ACVR1: variants seen among roughly 807,000 people sequenced by gnomAD.
ACVR1 encodes the protein activin A receptor type 1.
ACVR1 carries 38 observed loss-of-function variants against 57.1 expected under a neutral mutation model. That is an observed-to-expected ratio of 0.67 (90% CI 0.51 to 0.87). The LOEUF (loss-of-function observed/expected upper bound fraction) is 0.87. ACVR1 is among the 40% of genes least tolerant of loss of function. The pLI, the probability that ACVR1 is intolerant of heterozygous loss-of-function variation, is 0.00. For missense variants in ACVR1, 463 were observed against 638.2 expected (o/e 0.73, Z 2.96); for synonymous variants, 212 against 228.1 (o/e 0.93, Z 0.63).
intron 8 of ACVR1, among the ~76,000 whole-genome samples, chr2:157,762,690 A>C (rs1685707586): frequency 6.6e-6 from 1 of 152,256 alleles, no homozygotes; most frequent in East Asian, 1.9e-4. Flanking sequence ...ACTATGGCAT[A>C]AGTGACAGTG....
chr2:157,775,641 A>G (rs1686252647), intron 5 of ACVR1, among the ~76,000 whole-genome samples: 1 of 152,208 alleles, frequency 6.6e-6, no homozygotes, highest in African/African-American at 2.4e-5. Flanking sequence ...CAAGAAAATG[A>G]GTGTAGATGA....
chr2:157,844,101 T>C (rs1353544990), intron 1 of ACVR1, among the ~76,000 whole-genome samples: 2 of 152,156 alleles, frequency 1.3e-5, no homozygotes, highest in East Asian at 3.9e-4. Flanking sequence ...GCAGAAGACA[T>C]TGTGAAACCA....
chr2:157,746,327 T>C (rs886630673), intron 9 of ACVR1, among the ~76,000 whole-genome samples: 22 of 152,234 alleles, frequency 1.4e-4, no homozygotes, highest in African/African-American at 4.8e-4. Context: ...GTAGATATTA[T>C]TATTTTTTAA....
In ACVR1 at chr2:157,738,429, G is replaced by A. The variant is rs1441623701; in HGVS notation, c.1395+11C>T. 1 of 1,614,004 alleles carries A rather than the reference G, an allele frequency of 6.2e-7. No homozygotes were observed. The highest frequency in any genetic ancestry group is 8.5e-7 in the Non-Finnish European group (1 of 1,179,904). ...AAAAGAGCTCTAAAACTGAGAAACT[G>A]GCATTCTTACCGGGTCTGAGAACCA... On this transcript the variant is annotated intron_variant, in intron 10 of 10. Coordinates refer to ENST00000434821, the MANE Select transcript of ACVR1 (RefSeq NM_001111067.4).
chr2:157,832,153 T>C (rs773429672), intron 1 of ACVR1, among the ~76,000 whole-genome samples: 4 of 152,222 alleles, frequency 2.6e-5, no homozygotes, highest in South Asian at 2.1e-4. Flanking sequence ...TTCCCAGGCA[T>C]TGGTATCTTA....
At chr2:157,814,061 T>C (rs192393461) in intron 2 of ACVR1, among the ~76,000 whole-genome samples, 38 of 152,378 alleles carry the variant, frequency 2.5e-4, no homozygotes, top group African/African-American at 8.7e-4. Flanking sequence ...TTTACATTAC[T>C]GTATAGCCTG....
chr2:157,863,910 C>T (rs1255002101), intron 1 of ACVR1, among the ~76,000 whole-genome samples: 1 of 147,104 alleles, frequency 6.8e-6, no homozygotes, highest in Non-Finnish European at 1.5e-5. Context: ...CTCTGTCACC[C>T]AGGTTGGAGT....
At chr2:157,818,968 CTTG>C (rs1688049894) in intron 1 of ACVR1, among the ~76,000 whole-genome samples, 1 of 145,612 alleles carries the variant, frequency 6.9e-6, no homozygotes, top group Non-Finnish European at 1.5e-5. Context: ...GTCCCAGCTA[CTTG>C]GGAGGCTGAG....
At chr2:157,784,708 G>A (rs979584669) in intron 3 of ACVR1, among the ~76,000 whole-genome samples, 1 of 152,230 alleles carries the variant, frequency 6.6e-6, no homozygotes, top group Non-Finnish European at 1.5e-5. Context: ...ATACGGGGCT[G>A]GCTCCACAAA....
chr2:157,827,708 G>A (rs1190970765), intron 1 of ACVR1, among the ~76,000 whole-genome samples: 1 of 152,090 alleles, frequency 6.6e-6, no homozygotes, highest in African/African-American at 2.4e-5. Context: ...TGACTTGGTG[G>A]TCTTGAGCAC....
intron 9 of ACVR1, among the ~76,000 whole-genome samples, chr2:157,750,034 G>A (rs1685122312): frequency 1.3e-5 from 2 of 152,192 alleles, no homozygotes; most frequent in South Asian, 4.1e-4. Flanking sequence ...AGCCCGCCCA[G>A]CCTGCTAGCA....
In ACVR1 at chr2:157,738,421, G is replaced by C; in HGVS notation, c.1395+19C>G. On this transcript the variant is annotated intron_variant, in intron 10 of 10. Transcript: ENST00000434821. ...AACAATGGAAAAGAGCTCTAAAACT[G>C]AGAAACTGGCATTCTTACCGGGTCT... The C allele has an allele frequency of 6.2e-7, 1 of 1,613,988 alleles. No homozygotes were observed. The highest frequency in any genetic ancestry group is 8.5e-7 in the Non-Finnish European group (1 of 1,179,896).
In ACVR1 at chr2:157,797,104, G is replaced by A. The variant is rs546027243; in HGVS notation, c.67+2323C>T. On this transcript the variant is annotated intron_variant, in intron 3 of 10. Coordinates refer to ENST00000434821, the MANE Select transcript of ACVR1 (RefSeq NM_001111067.4). ...TTTTATTGTCTTCAAAATCCAGCTT[G>A]TATCTTACATTTACAGCATATTTCC... Among the ~76,000 whole-genome samples, 23 of 152,240 alleles carry A rather than the reference G, an allele frequency of 1.5e-4. No individual in the cohort carries two copies. The East Asian group carries it at 3.3e-3, about 22-fold the overall frequency.
At chr2:157,816,241 G>A (rs1269538650) in intron 2 of ACVR1, among the ~76,000 whole-genome samples, 1 of 152,064 alleles carries the variant, frequency 6.6e-6, no homozygotes, top group Non-Finnish European at 1.5e-5. Flanking sequence ...AAAGAGAGAA[G>A]GGAAGAACTT....
intron 9 of ACVR1, among the ~76,000 whole-genome samples, chr2:157,741,065 TGA>T (rs1371348018): frequency 1.3e-5 from 2 of 152,346 alleles, no homozygotes; most frequent in East Asian, 3.9e-4. Context: ...TATTAAATGC[TGA>T]GAGTGATAAA....
chr2:157,748,134 C>T (rs780666489), intron 9 of ACVR1, among the ~76,000 whole-genome samples: 52 of 152,220 alleles, frequency 3.4e-4, no homozygotes, highest in African/African-American at 1.2e-3. Flanking sequence ...CTCTGACTTC[C>T]AACTGACTAC....
At chr2:157,852,277 C>G (rs372524435) in intron 1 of ACVR1, among the ~76,000 whole-genome samples, 1 of 151,900 alleles carries the variant, frequency 6.6e-6, no homozygotes, top group African/African-American at 2.4e-5. Context: ...GCGGGTGGAT[C>G]GCTTGAGCTC....
At chr2:157,830,128 A>C (rs935468836) in intron 1 of ACVR1, among the ~76,000 whole-genome samples, 4 of 152,194 alleles carry the variant, frequency 2.6e-5, no homozygotes, top group African/African-American at 9.6e-5. Context: ...CTGAGGCAGG[A>C]GAATTGCTTG....
At chr2:157,816,495 G>A (rs1687941189) in intron 2 of ACVR1, among the ~76,000 whole-genome samples, 1 of 151,858 alleles carries the variant, frequency 6.6e-6, no homozygotes, top group Non-Finnish European at 1.5e-5. Context: ...TACTTGGGAG[G>A]CTGAGGCAGG....
Sources: allele counts gnomAD v4.1 joint callset (sites outside exome capture counted in the v4.1 genomes callset), GRCh38; gene constraint gnomAD v4.1.1; transcripts MANE v1.5; gene names NCBI Gene and HGNC (gene_info 2026-07-23, HGNC 2026-07-21).